DAGLA: variants seen among roughly 807,000 people sequenced by gnomAD.
DAGLA encodes diacylglycerol lipase alpha.
A neutral mutation model predicts 102.6 loss-of-function variants in DAGLA; 22 were observed. That is an observed-to-expected ratio of 0.21 (90% confidence interval 0.15 to 0.31). The LOEUF (loss-of-function observed/expected upper bound fraction) is 0.31, where lower values mean the gene tolerates loss of function less well. DAGLA is among the 10% of genes least tolerant of loss of function. The pLI, the probability that DAGLA is intolerant of heterozygous loss-of-function variation, is 1.00. For synonymous variants in DAGLA, 578 were observed against 628.9 expected, an observed-to-expected ratio of 0.92 and a Z score of 1.21; for missense variants, 927 against 1,446.6, an observed-to-expected ratio of 0.64 and a Z score of 5.83.
intron 10 of DAGLA, among the ~76,000 whole-genome samples, 168 bp from the exon 11 acceptor site, chr11:61,735,393 G>A (rs944420841): frequency 2.6e-5 from 4 of 152,152 alleles, no homozygotes; most frequent in South Asian, 2.1e-4. Flanking sequence ...GGCTGGGATC[G>A]GGAGGAGATC....
intron 1 of DAGLA, among the ~76,000 whole-genome samples, chr11:61,688,981 A>G (rs2065005399): frequency 6.6e-6 from 1 of 152,286 alleles, no homozygotes; most frequent in Admixed American, 6.5e-5. Flanking sequence ...AGAAAAGGGC[A>G]GAGCCCTTGG....
chr11:61,683,450 G>C (rs751475312), intron 1 of DAGLA, among the ~76,000 whole-genome samples: 7 of 152,234 alleles, frequency 4.6e-5, no homozygotes, highest in Admixed American at 6.5e-5. Flanking sequence ...GGGCACTTCA[G>C]CTCATGTCTG....
intron 5 of DAGLA, among the ~76,000 whole-genome samples, chr11:61,725,624 GAGCTGCAGGGT>G (rs1197855421): frequency 6.6e-6 from 1 of 152,180 alleles, no homozygotes; most frequent in Non-Finnish European, 1.5e-5. Context: ...TTGGACACCT[GAGCTGCAGGGT>G]AGCCCCCACT....
intron 1 of DAGLA, among the ~76,000 whole-genome samples, chr11:61,707,053 A>T (rs945675928): frequency 6.6e-6 from 1 of 152,048 alleles, no homozygotes; most frequent in African/African-American, 2.4e-5. Context: ...CCCACTGCGG[A>T]TAGTTAGGGG....
At chr11:61,736,455 C>T (rs1256441926) in intron 13 of DAGLA, 105 bp downstream of exon 13, 1 of 934,982 alleles carries the variant, frequency 1.1e-6, no homozygotes, top group South Asian at 1.4e-5. Flanking sequence ...TCACAACTCC[C>T]ACACAAGCCA....
intron 7 of DAGLA, 112 bp from the exon 8 acceptor site, chr11:61,728,819 G>C (rs762378151): frequency 4.7e-6 from 4 of 851,374 alleles, no homozygotes; most frequent in Non-Finnish European, 7.8e-6. Flanking sequence ...ATGCTCGTTT[G>C]GGCTTCTCGG....
intron 1 of DAGLA, among the ~76,000 whole-genome samples, chr11:61,717,867 C>T (rs1182166813): frequency 9.2e-5 from 14 of 152,230 alleles, no homozygotes; most frequent in Admixed American, 9.2e-4. Flanking sequence ...CCTCCAGCGT[C>T]TTGACAGTCC....
At chr11:61,688,006 A>AG (rs2064998593) in intron 1 of DAGLA, among the ~76,000 whole-genome samples, 1 of 152,162 alleles carries the variant, frequency 6.6e-6, no homozygotes, top group Admixed American at 6.5e-5. Context: ...CCTTTGGGAA[A>AG]GACATTGTAC....
chr11:61,731,463 C>T, intron 9 of DAGLA, 22 bp downstream of exon 9: 2 of 1,611,606 alleles, frequency 1.2e-6, no homozygotes. Flanking sequence ...TGTCCCATCC[C>T]CCAGCGATTG....
chr11:61,720,797 G>A lies in DAGLA; in HGVS notation c.214G>A (p.Ala72Thr), dbSNP rs780346829. The change falls in exon 3 of 20, where the codon GCT becomes ACT. Residue 72 changes from alanine (A) to threonine (T), a missense_variant. This residue lies in a region of DAGLA where 231 missense variants were observed against 439.8 expected (regional missense o/e 0.53). Coordinates refer to ENST00000257215, the MANE Select transcript of DAGLA (RefSeq NM_006133.3). ...GGGCATCCTGCTGAGCTGCATGATC[G>A]CTGAGATGGCCATCATCTGGCTGAG... is the stretch of plus-strand genomic sequence containing the variant. ...YLGILLSCMIAEMAIIWLSMR... is the reference protein window; with the variant it reads ...YLGILLSCMITEMAIIWLSMR... 9 of 1,613,696 alleles carry A rather than the reference G, an allele frequency of 5.6e-6. No individual in the cohort carries two copies. The highest frequency in any genetic ancestry group is 2.2e-5 in the South Asian group (2 of 91,086).
intron 1 of DAGLA, among the ~76,000 whole-genome samples, chr11:61,691,701 C>T (rs2065026162): frequency 6.6e-6 from 1 of 152,218 alleles, no homozygotes; most frequent in South Asian, 2.1e-4. Flanking sequence ...GGAGTGAACC[C>T]ACCTTGGAGT....
chr11:61,695,474 C>T (rs960185590), intron 1 of DAGLA, among the ~76,000 whole-genome samples: 2 of 152,230 alleles, frequency 1.3e-5, no homozygotes, highest in African/African-American at 4.8e-5. Flanking sequence ...ACTCCCACTT[C>T]CCAGCGGGGA....
At chr11:61,701,026 ATGT>A (rs982590253) in intron 1 of DAGLA, among the ~76,000 whole-genome samples, 6 of 152,190 alleles carry the variant, frequency 3.9e-5, no homozygotes, top group Admixed American at 3.9e-4. Flanking sequence ...CATCGCTCAG[ATGT>A]TGTTCATCCC....
intron 1 of DAGLA, among the ~76,000 whole-genome samples, chr11:61,701,682 G>T (rs1303180299): frequency 6.6e-6 from 1 of 152,206 alleles, no homozygotes; most frequent in Non-Finnish European, 1.5e-5. Flanking sequence ...CACAGGGAAG[G>T]GGGTGGATGA....
At chr11:61,717,923 C>T (rs960619212) in intron 1 of DAGLA, among the ~76,000 whole-genome samples, 4 of 152,230 alleles carry the variant, frequency 2.6e-5, no homozygotes, top group Non-Finnish European at 5.9e-5. Context: ...GTTCGGCTCA[C>T]TCCTTCCAGC....
chr11:61,728,297 A>C lies in DAGLA; in HGVS notation c.771+10A>C, dbSNP rs776920418. 1 of 1,608,006 alleles carries C rather than the reference A, an allele frequency of 6.2e-7. No homozygotes were observed. The highest frequency in any genetic ancestry group is 8.5e-7 in the Non-Finnish European group (1 of 1,179,374). On this transcript the variant is annotated intron_variant, in intron 7 of 19. Transcript: ENST00000257215. ...CGCCGTGCTGGACGAGGTGAGCACC[A>C]CCAGCCCCTTCTCCAGGTCACCTCT...
rs2135541556 is a variant in DAGLA at position 61,680,392 on chromosome 11, T to A, written c.-157T>A. 6.6e-6 allele frequency: 1 copy of A among 151,298 alleles called. No homozygotes were observed. The highest frequency in any genetic ancestry group is 6.6e-5 in the Admixed American group (1 of 15,234). 9.4% of individuals were successfully genotyped at this position (151,298 alleles called of 1,614,324 possible). A position where few individuals can be genotyped will look rare whatever the true frequency, so the allele number is the denominator to read the frequency against. On this transcript the variant is annotated 5_prime_UTR_variant, in exon 1 of 20. Coordinates refer to ENST00000257215, the MANE Select transcript of DAGLA (RefSeq NM_006133.3). ...CGTCCCCCGGGGGGCGGAGGCGGCC[T>A]TCGCGCCGGCGCCGGCGCCCTGCGG...
intron 1 of DAGLA, among the ~76,000 whole-genome samples, chr11:61,685,097 C>A (rs1297304368): frequency 6.6e-6 from 1 of 152,048 alleles, no homozygotes. Context: ...GTCCCCTCCC[C>A]CCCATGACAG....
chr11:61,739,399 CT>C (rs1433433074), intron 16 of DAGLA, 65 bp from the exon 17 acceptor site: 1 of 1,521,902 alleles, frequency 6.6e-7, no homozygotes, highest in East Asian at 2.3e-5. Context: ...CTCGGTCCCC[CT>C]GCCCCTGCCC....
Sources: allele counts gnomAD v4.1 joint callset (sites outside exome capture counted in the v4.1 genomes callset), GRCh38; gene constraint gnomAD v4.1.1; regional missense constraint gnomAD v4.1.1; transcripts MANE v1.5; gene names NCBI Gene and HGNC (gene_info 2026-07-23, HGNC 2026-07-21).